The following RPRD2 variants were observed in gnomAD, a reference collection of about 807,000 sequenced individuals.
RPRD2 encodes the protein regulation of nuclear pre-mRNA domain containing 2.
In RPRD2, 12 loss-of-function variants were observed where a neutral mutation model predicts 104.4. The ratio of observed to expected loss-of-function variants is 0.11; its 90% confidence interval spans 0.07 to 0.19. The LOEUF (loss-of-function observed/expected upper bound fraction) is 0.19. Among genes scored for constraint, RPRD2 ranks in the 10% least tolerant of loss-of-function variants. The pLI is 1.00. For missense variants in RPRD2, 1,543 were observed against 1,790.1 expected (o/e 0.86, Z 2.49); for synonymous variants, 714 against 684.9 (o/e 1.04, Z -0.66).
chr1:150,428,250 G>A (rs998766186), intron 2 of RPRD2, among the ~76,000 whole-genome samples: 6 of 151,886 alleles, frequency 4.0e-5, no homozygotes, highest in Admixed American at 2.6e-4. Context: ...TCAGGAGTTC[G>A]AGACCAGCCT....
At chr1:150,432,989 G>A (rs1665710110) in intron 2 of RPRD2, among the ~76,000 whole-genome samples, 1 of 151,920 alleles carries the variant, frequency 6.6e-6, no homozygotes, top group South Asian at 2.1e-4. Flanking sequence ...AGGTGAGGGG[G>A]TTGGGGGAAA....
At chr1:150,380,550 A>G (rs1661046632) in intron 1 of RPRD2, among the ~76,000 whole-genome samples, 1 of 152,050 alleles carries the variant, frequency 6.6e-6, no homozygotes, top group African/African-American at 2.4e-5. Context: ...AGGTTTTGCT[A>G]TTAGCCAGGC....
At chr1:150,419,074 A>G (rs954007949) in intron 2 of RPRD2, among the ~76,000 whole-genome samples, 18 of 152,318 alleles carry the variant, frequency 1.2e-4, no homozygotes, top group Middle Eastern at 3.4e-3. Flanking sequence ...TTCTTTTTGA[A>G]TGCCTATTGA....
At position 150,472,822 on chromosome 1, in the gene RPRD2, C is replaced by T; in HGVS notation, c.3874C>T (p.Pro1292Ser). The change falls in exon 11 of 11, where the codon CCA (proline) becomes TCA (serine). Residue 1292 changes from proline (P) to serine (S), a missense_variant. Around this residue, in one of 4 missense-constraint regions of RPRD2, gnomAD observed 880 missense variants for 885.6 expected, o/e 0.99. Transcript: ENST00000369068. ...SGGSGVPFST[P>S]PPPPPPVDHS... Reference sequence around the variant, plus strand: ...TGGGAGTGGTGTCCCCTTTTCTACTCCACCCCCTCCTCCACCCCCTGTTGA... The same window carrying T: ...TGGGAGTGGTGTCCCCTTTTCTACTTCACCCCCTCCTCCACCCCCTGTTGA... The T allele has an allele frequency of 3.1e-6, 5 of 1,609,046 alleles. No homozygotes were observed. The highest frequency in any genetic ancestry group is 1.3e-5 in the African/African-American group (1 of 74,944).
intron 6 of RPRD2, 118 bp from the exon 7 acceptor site, chr1:150,446,108 C>A: frequency 4.7e-5 from 29 of 619,548 alleles, no homozygotes; most frequent in Non-Finnish European, 5.4e-5. Context: ...TATTAGAGTA[C>A]TGCACAGTAA....
At chr1:150,447,446 T>G (rs1464759606) in intron 7 of RPRD2, among the ~76,000 whole-genome samples, 1 of 151,618 alleles carries the variant, frequency 6.6e-6, no homozygotes, top group Admixed American at 6.6e-5. Context: ...GTGATTCTCC[T>G]GCCTCAGCCT....
In RPRD2 at chr1:150,464,569, G is replaced by A. The variant is rs1486421280; in HGVS notation, c.1454G>A (p.Ser485Asn). The A allele has an allele frequency of 1.9e-6, 3 of 1,606,366 alleles. No individual in the cohort carries two copies. Among genetic ancestry groups the A allele is most frequent in the Non-Finnish European group, 2.6e-6 (3 of 1,176,340 alleles). Reference protein sequence around the residue: ...ASRPSPGTPTSPSNLTSGLKT... With the variant: ...ASRPSPGTPTNPSNLTSGLKT... ...AGACCTTCTCCAGGAACGCCCACCA[G>A]CCCCAGCAACCTCACCAGTGGCCTG... Residue 485 changes from serine (S) to asparagine (N), a missense_variant, in exon 10 of 11, where the codon AGC becomes AAC. Ser to Asn is a conservative substitution (Grantham distance 46). This residue lies in a region of RPRD2 where 572 missense variants were observed against 787.3 expected (regional missense o/e 0.73). Transcript: ENST00000369068.
At chr1:150,429,831 TATAAA>T (rs1229628182) in intron 2 of RPRD2, among the ~76,000 whole-genome samples, 2 of 152,206 alleles carry the variant, frequency 1.3e-5, no homozygotes, top group African/African-American at 4.8e-5. Flanking sequence ...GTCATTTTGT[TATAAA>T]ATAACTACAT....
intron 2 of RPRD2, among the ~76,000 whole-genome samples, chr1:150,427,356 C>T (rs1208146030): frequency 1.3e-5 from 2 of 151,842 alleles, no homozygotes; most frequent in African/African-American, 4.8e-5. Context: ...GCCTGTAGTC[C>T]TAGCTACTTG....
At chr1:150,446,433 A>G in intron 7 of RPRD2, 32 bp downstream of exon 7, 2 of 1,490,518 alleles carry the variant, frequency 1.3e-6, no homozygotes, top group Non-Finnish European at 1.8e-6. Context: ...CTTATACTGA[A>G]TGCTTGTTAC....
chr1:150,425,767 GATAAA>G (rs782721441), intron 2 of RPRD2, among the ~76,000 whole-genome samples: 4 of 152,036 alleles, frequency 2.6e-5, no homozygotes, highest in Non-Finnish European at 4.4e-5. Flanking sequence ...GGATACTGAT[GATAAA>G]ATAAATCATA....
intron 6 of RPRD2, among the ~76,000 whole-genome samples, chr1:150,445,929 G>A (rs1317594143): frequency 6.6e-6 from 1 of 152,072 alleles, no homozygotes; most frequent in Non-Finnish European, 1.5e-5. Flanking sequence ...TTAGCTGGGC[G>A]TGGTGGCAGG....
At chr1:150,368,789 G>C (rs113310952) in intron 1 of RPRD2, among the ~76,000 whole-genome samples, 1 of 151,824 alleles carries the variant, frequency 6.6e-6, no homozygotes, top group African/African-American at 2.4e-5. Flanking sequence ...TGTATTTTTT[G>C]TAGAGACAGG....
rs1327430397 is a variant in RPRD2 at position 150,475,015 on chromosome 1, C to T, written c.*1681C>T. The T allele has an allele frequency of 3.3e-5, 5 of 152,074 alleles. No individual in the cohort carries two copies. The highest frequency in any genetic ancestry group is 5.9e-5 in the Non-Finnish European group (4 of 68,028). 9.4% of individuals were successfully genotyped at this position (152,074 alleles called of 1,614,324 possible). A position where few individuals can be genotyped will look rare whatever the true frequency, so the allele number is the denominator to read the frequency against. On this transcript the variant is annotated 3_prime_UTR_variant, in exon 11 of 11. Coordinates refer to ENST00000369068, the MANE Select transcript of RPRD2 (RefSeq NM_015203.5). The stretch of plus-strand genomic sequence containing the variant: ...ATTTATTCTGTTATTTATTTGGGCT[C>T]GCCATGTGTTCTGGGGTTAGGATGC...
intron 7 of RPRD2, 104 bp from the exon 8 acceptor site, chr1:150,457,184 A>G (rs1180578182): frequency 1.8e-6 from 2 of 1,092,474 alleles, no homozygotes; most frequent in African/African-American, 3.1e-5. Flanking sequence ...AGATTGTGCC[A>G]CTACACTCTA....
intron 2 of RPRD2, among the ~76,000 whole-genome samples, chr1:150,420,509 T>G (rs1553889458): frequency 6.6e-6 from 1 of 152,100 alleles, no homozygotes; most frequent in Non-Finnish European, 1.5e-5. Context: ...ATGCTGGAGG[T>G]TCCATTTATT....
Position 150,464,629 on chromosome 1 carries a change from A to G in RPRD2, c.1514A>G (p.Asn505Ser). ...TPAPATTTSHNPLANILSKVE... is the reference protein window; with the variant it reads ...TPAPATTTSHSPLANILSKVE... The stretch of plus-strand genomic sequence containing the variant: ...GCACCTGCCACGACAACATCTCACA[A>G]CCCTCTGGCAAATATCCTCTCCAAG... The change falls in exon 10 of 11, where the codon AAC (asparagine) becomes AGC (serine). Residue 505 changes from asparagine (N) to serine (S), a missense_variant. Coordinates refer to ENST00000369068, the MANE Select transcript of RPRD2 (RefSeq NM_015203.5). The G allele has an allele frequency of 6.2e-7, 1 of 1,611,886 alleles. No individual in the cohort carries two copies. The highest frequency in any genetic ancestry group is 8.5e-7 in the Non-Finnish European group (1 of 1,179,110).
At position 150,458,431 on chromosome 1, in the gene RPRD2, A is replaced by C. The variant is rs187016645; in HGVS notation, c.1153+861A>C. On this transcript the variant is annotated intron_variant, in intron 8 of 10. Coordinates refer to ENST00000369068, the MANE Select transcript of RPRD2 (RefSeq NM_015203.5). ...ACCATGTCACTGCACTCCAGCCTAG[A>C]TGACAGAGGGAGACCCTCTCTCCAA... Among the ~76,000 whole-genome samples the C allele has an allele frequency of 2.3e-3, 347 of 151,730 alleles. 11 individuals are homozygous for C. In the East Asian group the frequency reaches 0.059, roughly 26 times the overall value.
rs587704140 is a variant in RPRD2, at chr1:150,387,802, A to G, written c.205+22883A>G. The stretch of plus-strand genomic sequence containing the variant: ...ACAGAGATTCACCATGTTGGCCAGG[A>G]TGGTCTTGAACTCCTGACCTCAGGT... On this transcript the variant is annotated intron_variant, in intron 1 of 10. Transcript: ENST00000369068. 7.3e-5 allele frequency among the ~76,000 whole-genome samples: 11 copies of G among 149,856 alleles called. No individual in the cohort carries two copies. In the South Asian group the frequency reaches 2.3e-3, roughly 32 times the overall value.
Sources: gnomAD v4.1 joint callset for allele counts (sites outside exome capture counted in the v4.1 genomes callset) on GRCh38, gnomAD v4.1.1 for gene constraint, gnomAD v4.1.1 regional missense constraint, MANE v1.5 for transcripts, NCBI Gene and HGNC (gene_info 2026-07-23, HGNC 2026-07-21) for gene names.